Variants in TMPRSS6 observed in about 807,000 individuals in gnomAD.
The protein encoded by TMPRSS6 is transmembrane serine protease 6, also known as transmembrane protease serine 6.
In TMPRSS6, 67 loss-of-function variants were observed where a neutral mutation model predicts 101.5. The ratio of observed to expected loss-of-function variants is 0.66; its 90% CI spans 0.54 to 0.81. The LOEUF (loss-of-function observed/expected upper bound fraction) is 0.81, where lower values mean the gene tolerates loss of function less well. Among genes scored for constraint, TMPRSS6 ranks in the 30% least tolerant of loss-of-function variants. The pLI is 0.00. For missense variants in TMPRSS6, 1,034 were observed against 1,088.7 expected (o/e 0.95, Z 0.71); for synonymous variants, 453 against 464.9 (o/e 0.97, Z 0.33).
chr22:37,088,236 T>A (rs1419395835), intron 7 of TMPRSS6, among the ~76,000 whole-genome samples: 1 of 152,090 alleles, frequency 6.6e-6, no homozygotes, highest in African/African-American at 2.4e-5. Flanking sequence ...CCCACGCACA[T>A]GCCGCAGATC....
chr22:37,097,229 T>C (rs765151154), intron 3 of TMPRSS6, among the ~76,000 whole-genome samples: 4 of 152,284 alleles, frequency 2.6e-5, no homozygotes, highest in South Asian at 2.1e-4. Context: ...CCCTACCTCA[T>C]GGAGGAGGAA....
chr22:37,073,395 A>G (rs541268879), intron 13 of TMPRSS6, 137 bp downstream of exon 13: 62 of 600,360 alleles, frequency 1.0e-4, no homozygotes, highest in Middle Eastern at 5.4e-4. Context: ...TGGATGGATG[A>G]ATGGACAGAC....
At chr22:37,074,524 G>A (rs1353909679) in intron 12 of TMPRSS6, 86 bp downstream of exon 12, 49 of 1,246,072 alleles carry the variant, frequency 3.9e-5, no homozygotes, top group Non-Finnish European at 5.0e-5. Context: ...TGTAGAAGTG[G>A]GGTCTCCACT....
At chr22:37,078,945 G>GAAAA in intron 10 of TMPRSS6, among the ~76,000 whole-genome samples, 1 of 132,534 alleles carries the variant, frequency 7.5e-6, no homozygotes, top group Non-Finnish European at 1.7e-5. Flanking sequence ...AGGAGAAGGA[G>GAAAA]AAGGAGAAAA....
At chr22:37,073,473 T>G in intron 13 of TMPRSS6, 59 bp downstream of exon 13, 1 of 1,173,118 alleles carries the variant, frequency 8.5e-7, no homozygotes, top group Non-Finnish European at 1.3e-6. Context: ...TGCTGAAGCA[T>G]GTAGCAGGCC....
intron 10 of TMPRSS6, chr22:37,084,048 G>T (rs1928470897): frequency 1.7e-6 from 1 of 595,800 alleles, no homozygotes; most frequent in East Asian, 2.8e-5. Context: ...CATCCAAGGT[G>T]TCTGATGACC....
chr22:37,086,295 C>T lies in TMPRSS6; in HGVS notation c.961G>A (p.Val321Met). Residue 321 changes from valine to methionine, a missense_variant, in exon 8 of 18, where the codon GTG (valine) becomes ATG (methionine). Physicochemically the swap from Val to Met is conservative, Grantham distance 21. Transcript: ENST00000676104. ...CCTGACCTCTCACCCTGGAAGACCACCGGCTGCACGGAGAGCACGAAGGGG... is the reference window on the plus strand; with the variant it reads ...CCTGACCTCTCACCCTGGAAGACCATCGGCTGCACGGAGAGCACGAAGGGG... ...YDPFVLSVQP[V>M]VFQACEVNLT... 1.2e-6 allele frequency: 2 copies of T among 1,614,134 alleles called. No homozygotes were observed. The highest frequency in any genetic ancestry group is 1.7e-6 in the Non-Finnish European group (2 of 1,180,016).
At chr22:37,088,830 A>G (rs1928990711) in intron 7 of TMPRSS6, among the ~76,000 whole-genome samples, 2 of 152,220 alleles carry the variant, frequency 1.3e-5, no homozygotes, top group South Asian at 2.1e-4. Flanking sequence ...GGCACTCACT[A>G]TGTGTAAGGA....
In TMPRSS6 at chr22:37,100,384, C is replaced by T. The variant is rs186712873; in HGVS notation, c.203-1835G>A. Reference sequence around the variant, plus strand: ...AGAGGCAGGGAGAGCATCGAGGACACGCCTGCAGGGCTCCAGGGGAGAGAT... The same window carrying T: ...AGAGGCAGGGAGAGCATCGAGGACATGCCTGCAGGGCTCCAGGGGAGAGAT... On this transcript the variant is annotated intron_variant, in intron 2 of 17. Coordinates refer to ENST00000676104, the MANE Select transcript of TMPRSS6 (RefSeq NM_001374504.1). 1.9e-3 allele frequency among the ~76,000 whole-genome samples: 291 copies of T among 151,722 alleles called. 4 individuals are homozygous for T. The South Asian group carries it at 0.039, about 21-fold the overall frequency.
chr22:37,083,609 G>T (rs1194673551), intron 10 of TMPRSS6, among the ~76,000 whole-genome samples: 1 of 152,360 alleles, frequency 6.6e-6, no homozygotes, highest in South Asian at 2.1e-4. Context: ...TGGCTTCCTG[G>T]TGGCCAGGCC....
At chr22:37,096,887 C>T (rs1040019965) in intron 3 of TMPRSS6, among the ~76,000 whole-genome samples, 172 bp from the exon 4 acceptor site, 1 of 152,156 alleles carries the variant, frequency 6.6e-6, no homozygotes, top group Admixed American at 6.5e-5. Context: ...CCGGGGCATG[C>T]ATGAATCTCA....
At position 37,076,772 on chromosome 22, in the gene TMPRSS6, A is replaced by T. The variant is rs529182641; in HGVS notation, c.1197-1492T>A. Among the ~76,000 whole-genome samples, 381 of 152,282 alleles carry T rather than the reference A, an allele frequency of 2.5e-3. 1 individual carries two copies. The highest frequency in any genetic ancestry group is 8.9e-3 in the African/African-American group (370 of 41,544). On this transcript the variant is annotated intron_variant, in intron 10 of 17. Transcript: ENST00000676104. ...CAGCTCATAGAAATGCCCTCCACAG[A>T]GCAAATCAGAGTGCTTTGCAGATGG...
intron 7 of TMPRSS6, among the ~76,000 whole-genome samples, chr22:37,087,388 C>A (rs964425720): frequency 1.3e-5 from 2 of 152,330 alleles, no homozygotes; most frequent in Admixed American, 1.3e-4. Flanking sequence ...CCTTGGCAAG[C>A]GAGTACCTGA....
chr22:37,080,390 T>C (rs923271598), intron 10 of TMPRSS6: 2 of 152,256 alleles, frequency 1.3e-5, no homozygotes, highest in African/African-American at 4.8e-5. Context: ...AGGGTTAAGA[T>C]ACCCTCTCCC....
intron 7 of TMPRSS6, 34 bp downstream of exon 7, chr22:37,089,544 G>GGCCCCCCCC: frequency 5.9e-6 from 8 of 1,348,848 alleles, no homozygotes; most frequent in African/African-American, 1.5e-5. Context: ...CCCTTTTCCA[G>GGCCCCCCCC]CCCTCCCTCC....
chr22:37,070,341 C>T (rs1926765520), intron 15 of TMPRSS6, 143 bp downstream of exon 15: 1 of 1,093,070 alleles, frequency 9.1e-7, no homozygotes, highest in African/African-American at 1.5e-5. Context: ...GGAGCCAGGA[C>T]TAGAACTCAC....
intron 10 of TMPRSS6, chr22:37,083,898 T>C (rs1686891237): frequency 6.4e-6 from 3 of 469,606 alleles, no homozygotes; most frequent in African/African-American, 1.9e-5. Flanking sequence ...CCTCTGATGG[T>C]ACGCCTTGGG....
chr22:37,071,485 G>A (rs2055105250), intron 13 of TMPRSS6, among the ~76,000 whole-genome samples: 1 of 152,150 alleles, frequency 6.6e-6, no homozygotes, highest in Non-Finnish European at 1.5e-5. Flanking sequence ...GCCTATTTAA[G>A]TTTTAGCTCT....
chr22:37,077,299 C>T lies in TMPRSS6; in HGVS notation c.1197-2019G>A, dbSNP rs141084701. ...ACCTAGCTTGCTTGAGGGGAGGGCT[C>T]CGAATTCCCACTGCAACAGGAGCTC... On this transcript the variant is annotated intron_variant, in intron 10 of 17. Transcript: ENST00000676104. Among the ~76,000 whole-genome samples the T allele has an allele frequency of 2.9e-3, 435 of 152,312 alleles. 1 individual carries two copies. Among genetic ancestry groups the T allele is most frequent in the Non-Finnish European group, 4.7e-3 (323 of 68,010 alleles).
Sources: allele counts gnomAD v4.1 joint callset (sites outside exome capture counted in the v4.1 genomes callset), GRCh38; gene constraint gnomAD v4.1.1; transcripts MANE v1.5; gene names NCBI Gene and HGNC (gene_info 2026-07-23, HGNC 2026-07-21).